The following MAPK10 variants were observed in gnomAD, a reference collection of about 807,000 sequenced individuals.
The protein encoded by MAPK10 is mitogen-activated protein kinase 10, also known as JNK3 alpha protein kinase.
Under a neutral mutation model 59.3 loss-of-function variants are expected in MAPK10, and 25 were observed. That is an observed-to-expected ratio of 0.42 (90% CI 0.31 to 0.59). The LOEUF is 0.59. Among genes scored for constraint, MAPK10 ranks in the 20% least tolerant of loss-of-function variants. The probability of loss-of-function intolerance (pLI) is 0.15; values close to 1 mark genes in which losing one functional copy is unlikely to be tolerated. For synonymous variants in MAPK10, 190 were observed against 200.5 expected (o/e 0.95, Z 0.44); for missense variants, 351 against 568.9 (o/e 0.62, Z 3.90).
chr4:86,344,976 T>A (rs978925567), intron 2 of MAPK10, among the ~76,000 whole-genome samples: 3 of 152,198 alleles, frequency 2.0e-5, no homozygotes, highest in Admixed American at 1.3e-4. Flanking sequence ...AAAATTGATA[T>A]AGTCAGTTTG....
At chr4:86,584,802 T>A (rs1434683796) in intron 1 of MAPK10, among the ~76,000 whole-genome samples, 4 of 152,164 alleles carry the variant, frequency 2.6e-5, no homozygotes, top group Non-Finnish European at 5.9e-5. Flanking sequence ...GACAGGGTTA[T>A]GAAGAAGGTG....
At chr4:86,402,437 TC>T (rs1392828144) in intron 1 of MAPK10, among the ~76,000 whole-genome samples, 1 of 152,126 alleles carries the variant, frequency 6.6e-6, no homozygotes, top group Non-Finnish European at 1.5e-5. Context: ...TTAAAATATG[TC>T]CAATCAGTGC....
At chr4:86,454,994 A>G (rs1445823649), upstream of MAPK10, among the ~76,000 whole-genome samples, 1 of 152,170 alleles carries the variant, frequency 6.6e-6, no homozygotes, top group African/African-American at 2.4e-5. Context: ...CTCAAACAAA[A>G]CAATTATCAG....
chr4:86,164,184 G>A lies in MAPK10; in HGVS notation c.67-4717C>T, dbSNP rs1171665627. 5.9e-5 allele frequency among the ~76,000 whole-genome samples: 9 copies of A among 152,192 alleles called. No individual in the cohort carries two copies. The East Asian group carries it at 1.7e-3, about 29-fold the overall frequency. On this transcript the variant is annotated intron_variant, in intron 3 of 13. Coordinates refer to ENST00000641462, the MANE Select transcript of MAPK10 (RefSeq NM_138982.4). Reference sequence around the variant, plus strand: ...GCACTTAATAGCTGTGAAACCTTGGGCAAACTATTTTATTCTTTCATTTAT... The same window carrying A: ...GCACTTAATAGCTGTGAAACCTTGGACAAACTATTTTATTCTTTCATTTAT...
intron 4 of MAPK10, among the ~76,000 whole-genome samples, chr4:86,115,890 G>C (rs1394901461): frequency 6.6e-6 from 1 of 152,212 alleles, no homozygotes; most frequent in African/African-American, 2.4e-5. Flanking sequence ...TAATATGTCA[G>C]CACTGGTGCT....
At chr4:86,474,524 A>G (rs1752910359) in intron 1 of MAPK10, among the ~76,000 whole-genome samples, 2 of 152,202 alleles carry the variant, frequency 1.3e-5, no homozygotes, top group African/African-American at 4.8e-5. Context: ...TTTCAATTAT[A>G]AATTGTCTTT....
At chr4:86,583,105 C>T (rs1437267679) in intron 1 of MAPK10, among the ~76,000 whole-genome samples, 1 of 152,086 alleles carries the variant, frequency 6.6e-6, no homozygotes. Context: ...GTAGTACCCC[C>T]ATGTAGTACA....
intron 9 of MAPK10, among the ~76,000 whole-genome samples, chr4:86,074,654 G>A (rs995019502): frequency 2.1e-5 from 3 of 139,740 alleles, no homozygotes; most frequent in Admixed American, 7.0e-5. Context: ...CACTTATGAA[G>A]CTCAGTTTGG....
intron 1 of MAPK10, among the ~76,000 whole-genome samples, chr4:86,548,665 A>T (rs989402124): frequency 2.0e-5 from 3 of 152,208 alleles, no homozygotes; most frequent in African/African-American, 7.2e-5. Flanking sequence ...CCATGGAACC[A>T]TGAGCCAATT....
chr4:86,579,080 A>C (rs775220046), intron 1 of MAPK10, among the ~76,000 whole-genome samples: 1 of 152,184 alleles, frequency 6.6e-6, no homozygotes, highest in Non-Finnish European at 1.5e-5. Context: ...AAATTCACCC[A>C]ATATTTTCTG....
intron 1 of MAPK10, among the ~76,000 whole-genome samples, chr4:86,490,445 C>G (rs1161981844): frequency 6.6e-6 from 1 of 152,178 alleles, no homozygotes; most frequent in Non-Finnish European, 1.5e-5. Context: ...TAAGGAGAAT[C>G]CTACTACTTT....
At chr4:86,027,238 G>A (rs1006349415) in intron 13 of MAPK10, 1 of 152,126 alleles carries the variant, frequency 6.6e-6, no homozygotes, top group African/African-American at 2.4e-5. Context: ...AATTGGTTAA[G>A]CCAGTCAACT....
chr4:86,181,048 CCCT>C (rs2076822878), intron 3 of MAPK10, among the ~76,000 whole-genome samples: 1 of 152,100 alleles, frequency 6.6e-6, no homozygotes, highest in South Asian at 2.1e-4. Context: ...ATGTTAATCA[CCCT>C]GATGTGATTA....
chr4:86,281,981 G>A (rs1364424425), intron 2 of MAPK10, among the ~76,000 whole-genome samples: 1 of 152,082 alleles, frequency 6.6e-6, no homozygotes, highest in Non-Finnish European at 1.5e-5. Flanking sequence ...AAAGGCCATG[G>A]CTATCTTTGT....
In MAPK10 at chr4:86,489,903, G is replaced by T. The variant is rs1242431327; in HGVS notation, c.-263+104007C>A. ...CTCTGAACACTTAAGCTCTTCAAAG[G>T]GCCCTTTTTTCTGTTCCACTCTCAG... On this transcript the variant is annotated intron_variant, in intron 1 of 4. Transcript: ENST00000502302. 3.9e-5 allele frequency among the ~76,000 whole-genome samples: 6 copies of T among 151,992 alleles called. No individual in the cohort carries two copies. In the East Asian group the frequency reaches 1.2e-3, roughly 29 times the overall value.
At chr4:86,391,892 C>G (rs1742241463) in intron 1 of MAPK10, among the ~76,000 whole-genome samples, 1 of 152,128 alleles carries the variant, frequency 6.6e-6, no homozygotes, top group Non-Finnish European at 1.5e-5. Context: ...TTATCTCTAC[C>G]TTAGGGATCC....
chr4:86,204,867 T>C (rs749787062), intron 2 of MAPK10, among the ~76,000 whole-genome samples: 1 of 152,044 alleles, frequency 6.6e-6, no homozygotes, highest in Non-Finnish European at 1.5e-5. Context: ...TGAGCTGATC[T>C]GATATTGTAG....
chr4:86,180,052 A>G (rs1416089281), intron 3 of MAPK10, among the ~76,000 whole-genome samples: 3 of 152,112 alleles, frequency 2.0e-5, no homozygotes, highest in Non-Finnish European at 4.4e-5. Context: ...ATACAACCCA[A>G]AGAATGGGAG....
At position 86,416,592 on chromosome 4, in the gene MAPK10, T is replaced by A. The variant is rs561133163; in HGVS notation, c.-122+36438A>T. On this transcript the variant is annotated intron_variant, in intron 1 of 13. Transcript: ENST00000361569. Reference sequence around the variant, plus strand: ...CCAGGGAGGATTAATCTCCTGCTACTGATGACAAGGACTGAGTTGGGGCAT... The same window carrying A: ...CCAGGGAGGATTAATCTCCTGCTACAGATGACAAGGACTGAGTTGGGGCAT... 2.6e-5 allele frequency among the ~76,000 whole-genome samples: 4 copies of A among 152,296 alleles called. No homozygotes were observed. The South Asian group carries it at 8.3e-4, about 32-fold the overall frequency.
Sources: gnomAD v4.1 joint callset for allele counts (sites outside exome capture counted in the v4.1 genomes callset) on GRCh38, gnomAD v4.1.1 for gene constraint, MANE v1.5 for transcripts, NCBI Gene and HGNC (gene_info 2026-07-23, HGNC 2026-07-21) for gene names.